Variants in NFIA observed in about 807,000 individuals in gnomAD.
NFIA encodes nuclear factor 1 A-type.
NFIA carries 8 observed loss-of-function variants against 62.8 expected under a neutral mutation model. The ratio of observed to expected loss-of-function variants is 0.13; its 90% CI spans 0.07 to 0.23. The LOEUF is 0.23. NFIA is among the 10% of genes least tolerant of loss of function. NFIA has a pLI of 1.00. For synonymous variants in NFIA, 235 were observed against 238.1 expected (o/e 0.99, Z 0.12); for missense variants, 410 against 642.1 (o/e 0.64, Z 3.91).
intron 2 of NFIA, among the ~76,000 whole-genome samples, chr1:61,181,462 T>G (rs567911518): frequency 2.1e-4 from 32 of 152,362 alleles, no homozygotes; most frequent in African/African-American, 7.5e-4. Flanking sequence ...TAATTTTTAT[T>G]TAGAAGGTAC....
At chr1:61,247,439 C>T (rs1655719200) in intron 2 of NFIA, among the ~76,000 whole-genome samples, 1 of 152,200 alleles carries the variant, frequency 6.6e-6, no homozygotes, top group Admixed American at 6.5e-5. Flanking sequence ...CACCACACCA[C>T]ACTAGGTTCT....
At chr1:61,158,664 CA>C (rs1298651990) in intron 2 of NFIA, among the ~76,000 whole-genome samples, 2 of 152,128 alleles carry the variant, frequency 1.3e-5, no homozygotes, top group Non-Finnish European at 2.9e-5. Context: ...ATACATGTTT[CA>C]AAACTGTGGT....
At chr1:61,359,064 G>A in intron 5 of NFIA, 83 bp from the exon 6 acceptor site, 1 of 1,556,430 alleles carries the variant, frequency 6.4e-7, no homozygotes, top group East Asian at 2.3e-5. Context: ...TTCCTCCCTT[G>A]GCTTTCTTTC....
At chr1:61,228,040 C>T (rs1654442059) in intron 2 of NFIA, among the ~76,000 whole-genome samples, 1 of 152,196 alleles carries the variant, frequency 6.6e-6, no homozygotes, top group Admixed American at 6.5e-5. Context: ...TCTTGAAGAT[C>T]TGTTTTGGCT....
chr1:61,426,539 A>G lies in NFIA; in HGVS notation c.1495A>G (p.Ile499Val), dbSNP rs1482201976. 1 of 1,551,596 alleles carries G rather than the reference A, an allele frequency of 6.4e-7. No individual in the cohort carries two copies. The highest frequency in any genetic ancestry group is 2.0e-5 in the Admixed American group (1 of 50,964). Reference sequence around the variant, plus strand: ...ACCACGGGATCCAAGCTTTGTAAATATCCCTCAACAGACACAGGTGGGCCG... The same window carrying G: ...ACCACGGGATCCAAGCTTTGTAAATGTCCCTCAACAGACACAGGTGGGCCG... ...VGPRDPSFVN[I>V]PQQTQSWYLG The change falls in exon 10 of 11, where the codon ATC (isoleucine) becomes GTC (valine). Residue 499 changes from isoleucine to valine, a missense_variant. This residue lies in a region of NFIA where 298 missense variants were observed against 438.1 expected (regional missense o/e 0.68). Coordinates refer to ENST00000403491, the MANE Select transcript of NFIA (RefSeq NM_001134673.4).
At chr1:61,136,099 A>G (rs903685328) in intron 2 of NFIA, among the ~76,000 whole-genome samples, 2 of 152,188 alleles carry the variant, frequency 1.3e-5, no homozygotes, top group African/African-American at 4.8e-5. Flanking sequence ...CTTTTCGGAA[A>G]CCTGATCTTA....
rs1254374534 is a variant in NFIA, at chr1:61,462,710, C to T, written c.*7390C>T. 2 of 152,196 alleles carry T rather than the reference C, an allele frequency of 1.3e-5. No homozygotes were observed. Among genetic ancestry groups the T allele is most frequent in the Non-Finnish European group, 2.9e-5 (2 of 68,034 alleles). 9.4% of individuals were successfully genotyped at this position (152,196 alleles called of 1,614,324 possible). On this transcript the variant is annotated 3_prime_UTR_variant, in exon 11 of 11. Coordinates refer to ENST00000403491, the MANE Select transcript of NFIA (RefSeq NM_001134673.4). ...AACCATTAGTGCTACCACCTTCTCACATTACAATACAATTACTGGAAGCAA... is the reference window on the plus strand; with the variant it reads ...AACCATTAGTGCTACCACCTTCTCATATTACAATACAATTACTGGAAGCAA...
intron 4 of NFIA, among the ~76,000 whole-genome samples, chr1:61,335,063 G>A (rs942436342): frequency 6.6e-6 from 1 of 152,116 alleles, no homozygotes; most frequent in Non-Finnish European, 1.5e-5. Context: ...CCCTGCTTAG[G>A]GGGTTGCTTA....
In NFIA at chr1:61,224,381, C is replaced by T. The variant is rs561656753; in HGVS notation, c.560-53139C>T. On this transcript the variant is annotated intron_variant, in intron 2 of 10. Transcript: ENST00000403491. ...TACTGTTGTCTCTCTTGGAGAGAGT[C>T]ATGACGCACATTAATATATTAGAGG... Among the ~76,000 whole-genome samples the T allele has an allele frequency of 3.3e-5, 5 of 152,164 alleles. No individual in the cohort carries two copies. The South Asian group carries it at 1.0e-3, about 32-fold the overall frequency.
intron 10 of NFIA, among the ~76,000 whole-genome samples, chr1:61,450,280 C>T (rs1668000049): frequency 6.6e-6 from 1 of 152,202 alleles, no homozygotes; most frequent in Non-Finnish European, 1.5e-5. Context: ...ATGTGAGAAA[C>T]TCAGAGTCCA....
chr1:61,351,735 C>T (rs1474873), intron 4 of NFIA, among the ~76,000 whole-genome samples: 133,525 of 152,192 alleles, frequency 0.88, 58,602 homozygotes, highest in East Asian at 0.95. Flanking sequence ...GTCAGAAAAT[C>T]ATTTTATAAG....
intron 9 of NFIA, among the ~76,000 whole-genome samples, chr1:61,410,063 A>G (rs1344999476): frequency 6.6e-6 from 1 of 152,076 alleles, no homozygotes; most frequent in African/African-American, 2.4e-5. Context: ...TGGGATTCAG[A>G]GATGATGGAT....
intron 9 of NFIA, among the ~76,000 whole-genome samples, chr1:61,413,042 A>G (rs1666174004): frequency 1.3e-5 from 2 of 152,328 alleles, no homozygotes; most frequent in South Asian, 4.1e-4. Context: ...TAAAACATGC[A>G]TATTTTTTTA....
intron 2 of NFIA, among the ~76,000 whole-genome samples, chr1:61,108,088 C>T (rs746872678): frequency 1.3e-5 from 2 of 151,604 alleles, no homozygotes; most frequent in Non-Finnish European, 3.0e-5. Context: ...AAATTTCACA[C>T]CTCTTTTTGA....
intron 2 of NFIA, among the ~76,000 whole-genome samples, chr1:61,215,326 T>A (rs1395538510): frequency 6.6e-6 from 1 of 152,186 alleles, no homozygotes; most frequent in Non-Finnish European, 1.5e-5. Context: ...AATTACTGAT[T>A]ATGTAATGCT....
intron 10 of NFIA, among the ~76,000 whole-genome samples, chr1:61,444,935 A>G (rs1047588305): frequency 6.6e-6 from 1 of 152,222 alleles, no homozygotes; most frequent in African/African-American, 2.4e-5. Flanking sequence ...GACCGTTTCA[A>G]ACTAGCACTG....
At chr1:61,087,075 A>T (rs1045038121) in intron 1 of NFIA, among the ~76,000 whole-genome samples, 1 of 152,170 alleles carries the variant, frequency 6.6e-6, no homozygotes, top group Non-Finnish European at 1.5e-5. Flanking sequence ...TTAATTTTTT[A>T]AAAAATATAT....
At chr1:61,339,990 A>G (rs750667890) in intron 4 of NFIA, among the ~76,000 whole-genome samples, 1 of 152,184 alleles carries the variant, frequency 6.6e-6, no homozygotes, top group African/African-American at 2.4e-5. Context: ...TACGCTTATG[A>G]CATTAGTGTA....
intron 2 of NFIA, among the ~76,000 whole-genome samples, chr1:61,219,971 A>G (rs1318901575): frequency 7.6e-6 from 1 of 132,358 alleles, no homozygotes; most frequent in Non-Finnish European, 1.7e-5. Flanking sequence ...CAAAATAAAT[A>G]AATAAATAAA....
Sources: allele counts gnomAD v4.1 joint callset (sites outside exome capture counted in the v4.1 genomes callset), GRCh38; gene constraint gnomAD v4.1.1; regional missense constraint gnomAD v4.1.1; transcripts MANE v1.5; gene names NCBI Gene and HGNC (gene_info 2026-07-23, HGNC 2026-07-21).